The following TBX4 variants were observed in gnomAD, a reference collection of about 807,000 sequenced individuals.
The protein encoded by TBX4 is T-box transcription factor 4, also known as T-box transcription factor TBX4.
TBX4 carries 13 observed loss-of-function variants against 54.6 expected under a neutral mutation model. That is an observed-to-expected ratio of 0.24 (90% CI 0.15 to 0.38). The LOEUF (loss-of-function observed/expected upper bound fraction) is 0.38, where lower values mean the gene tolerates loss of function less well. Ranked by LOEUF, TBX4 falls within the 10% of genes least tolerant of loss-of-function variation. TBX4 has a pLI of 1.00. For synonymous variants in TBX4, 314 were observed against 306.7 expected, an observed-to-expected ratio of 1.02 and a Z score of -0.25; for missense variants, 631 against 728.5, an observed-to-expected ratio of 0.87 and a Z score of 1.54.
At position 61,457,677 on chromosome 17, in the gene TBX4, G is replaced by A. The variant is rs1423367102; in HGVS notation, c.281+46G>A. ...TTCCGGGGATGGCGGTGGGGAGCAA[G>A]GGGGGCCAGGGAGGTCCCTTAGAAG... On this transcript the variant is annotated intron_variant, in intron 3 of 8. Coordinates refer to ENST00000644296, the MANE Select transcript of TBX4 (RefSeq NM_001321120.2). This position sits in a 1 kb window ranked among gnomAD's most constrained non-coding sequence, Gnocchi z 8.2. 11 of 1,582,088 alleles carry A rather than the reference G, an allele frequency of 7.0e-6. No homozygotes were observed. Among genetic ancestry groups the A allele is most frequent in the Non-Finnish European group, 8.7e-6 (10 of 1,153,134 alleles).
chr17:61,477,942 A>C (rs1311029424), intron 5 of TBX4, among the ~76,000 whole-genome samples: 3 of 46,460 alleles, frequency 6.5e-5, no homozygotes, highest in African/African-American at 3.8e-4. Flanking sequence ...ATTCCATCTC[A>C]AAAAAAAAAA....
chr17:61,470,438 T>G (rs2060568709), intron 5 of TBX4, among the ~76,000 whole-genome samples: 1 of 152,200 alleles, frequency 6.6e-6, no homozygotes, highest in East Asian at 1.9e-4. Flanking sequence ...CTGTCCTGTA[T>G]GGCACATGGG....
Position 61,464,391 on chromosome 17 carries a change from T to C in TBX4, c.282-1428T>C, listed in dbSNP as rs1194738815. ...AGCTTATAGAGGCCTTGATCCTTTC[T>C]GGAAGCCCTGTTCTGTCCAGGTAAG... On this transcript the variant is annotated intron_variant, in intron 3 of 8. Coordinates refer to ENST00000644296, the MANE Select transcript of TBX4 (RefSeq NM_001321120.2). This position sits in a 1 kb window ranked among gnomAD's most constrained non-coding sequence, Gnocchi z 5.8. 2 of 152,296 alleles carry C rather than the reference T, an allele frequency of 1.3e-5. No homozygotes were observed. Among genetic ancestry groups the C allele is most frequent in the African/African-American group, 4.8e-5 (2 of 41,466 alleles). The allele number at this position is 152,296 out of a possible 1,614,324, so 9.4% of individuals were successfully genotyped here. A position where few individuals can be genotyped will look rare whatever the true frequency, so the allele number is the denominator to read the frequency against.
In TBX4 at chr17:61,472,920, C is replaced by T. The variant is rs1169284750; in HGVS notation, c.549+5263C>T. Among the ~76,000 whole-genome samples, 10 of 152,052 alleles carry T rather than the reference C, an allele frequency of 6.6e-5. No homozygotes were observed. Among genetic ancestry groups the T allele is most frequent in the Non-Finnish European group, 7.4e-5 (5 of 68,026 alleles). ...CTATATGAATGTGTGCCTGTTCACA[C>T]GCCAGTCTTTTAACTGTTGAGACTG... On this transcript the variant is annotated intron_variant, in intron 5 of 8. Coordinates refer to ENST00000644296, the MANE Select transcript of TBX4 (RefSeq NM_001321120.2). This position sits in a 1 kb window ranked among gnomAD's most constrained non-coding sequence, Gnocchi z 4.5.
At position 61,463,755 on chromosome 17, in the gene TBX4, C is replaced by T. The variant is rs79008447; in HGVS notation, c.282-2064C>T. On this transcript the variant is annotated intron_variant, in intron 3 of 8. Coordinates refer to ENST00000644296, the MANE Select transcript of TBX4 (RefSeq NM_001321120.2). ...AGGAAACAAGCTGAGTGCAGGCCCC[C>T]GGTGCCAGGCCAGCCCAAGTATGGC... 7.8e-3 allele frequency among the ~76,000 whole-genome samples: 1,195 copies of T among 152,360 alleles called. 16 individuals are homozygous for T. The highest frequency in any genetic ancestry group is 0.027 in the African/African-American group (1,126 of 41,580).
chr17:61,457,998 C>T lies in TBX4; in HGVS notation c.281+367C>T, dbSNP rs552145341. 6.6e-6 allele frequency among the ~76,000 whole-genome samples: 1 copy of T among 152,292 alleles called. No individual in the cohort carries two copies. Among genetic ancestry groups the T allele is most frequent in the South Asian group, 2.1e-4 (1 of 4,822 alleles). ...TCTCAGGAATGCATTGATTGGAGAC[C>T]CAGAGATGCCTCTCAGCAGATGGGG... is the stretch of plus-strand genomic sequence containing the variant. On this transcript the variant is annotated intron_variant, in intron 3 of 8. Coordinates refer to ENST00000644296, the MANE Select transcript of TBX4 (RefSeq NM_001321120.2). The surrounding 1 kb of genome is among the most constrained non-coding windows in gnomAD (Gnocchi z 8.2).
rs527797813 is a variant in TBX4, at chr17:61,479,229, T to C, written c.702+450T>C. Among the ~76,000 whole-genome samples, 1 of 152,018 alleles carries C rather than the reference T, an allele frequency of 6.6e-6. No individual in the cohort carries two copies. Among genetic ancestry groups the C allele is most frequent in the African/African-American group, 2.4e-5 (1 of 41,382 alleles). On this transcript the variant is annotated intron_variant, in intron 6 of 8. Transcript: ENST00000644296. The surrounding 1 kb of genome is among the most constrained non-coding windows in gnomAD (Gnocchi z 6.1). ...AGCGGAGGCCCTTCCCAGGCTGTGA[T>C]AGGAGGTGCCCCAGCCACCTCCCAC...
chr17:61,456,550 G>T lies in TBX4; in HGVS notation c.60G>T (p.Ala20=), dbSNP rs1472249228. Residue 20 remains alanine (A), a synonymous_variant, in exon 2 of 9, where the codon GCG becomes GCT. Coordinates refer to ENST00000644296, the MANE Select transcript of TBX4 (RefSeq NM_001321120.2). ...AGGCCTTCCGGGCCCCGGGCCCAGCGCTCGGAGAGGCCAGCGCAGCCAACG... is the reference window on the plus strand; with the variant it reads ...AGGCCTTCCGGGCCCCGGGCCCAGCTCTCGGAGAGGCCAGCGCAGCCAACG... The part of the protein sequence containing the change: ...SEEAFRAPGP[A]LGEASAANAP... 21 of 1,552,502 alleles carry T rather than the reference G, an allele frequency of 1.4e-5. No individual in the cohort carries two copies. Among genetic ancestry groups the T allele is most frequent in the East Asian group, 2.4e-5 (1 of 41,296 alleles).
Position 61,467,519 on chromosome 17 carries a change from A to G in TBX4, c.411A>G (p.Ala137=). Residue 137 remains alanine (A), a synonymous_variant, in exon 5 of 9, where the codon GCA becomes GCG. Transcript: ENST00000644296. ...YKFCDNKWMV[A]GKAEPAMPGR... ...TCTGCTCTGTTGGCAGGATGGTGGC[A>G]GGGAAGGCTGAGCCAGCCATGCCAG... 1.2e-6 allele frequency: 2 copies of G among 1,614,176 alleles called. No homozygotes were observed. Among genetic ancestry groups the G allele is most frequent in the Middle Eastern group, 1.6e-4 (1 of 6,062 alleles).
chr17:61,473,573 G>A (rs1030760158), intron 5 of TBX4, among the ~76,000 whole-genome samples: 1 of 152,138 alleles, frequency 6.6e-6, no homozygotes, highest in Non-Finnish European at 1.5e-5. Flanking sequence ...GCTGATCCCT[G>A]ACAATGTGGC....
At chr17:61,466,086 C>T (rs1376500722) in intron 4 of TBX4, 148 bp downstream of exon 4, 26 of 1,348,724 alleles carry the variant, frequency 1.9e-5, no homozygotes, top group South Asian at 4.8e-5. Context: ...ACTGGCTGTG[C>T]GGAGGCTGAG....
At chr17:61,471,116 G>A (rs907287633) in intron 5 of TBX4, among the ~76,000 whole-genome samples, 3 of 152,230 alleles carry the variant, frequency 2.0e-5, no homozygotes, top group African/African-American at 7.2e-5. Flanking sequence ...TCACAAAGTA[G>A]CACGCATTAG....
intron 3 of TBX4, among the ~76,000 whole-genome samples, chr17:61,458,891 C>T (rs547670252): frequency 4.0e-5 from 6 of 151,850 alleles, no homozygotes; most frequent in Middle Eastern, 3.4e-3. Context: ...AACAAAAAGC[C>T]GGCTGGTTTG....
chr17:61,466,810 G>A (rs1381145523), intron 4 of TBX4, among the ~76,000 whole-genome samples: 1 of 152,220 alleles, frequency 6.6e-6, no homozygotes, highest in Non-Finnish European at 1.5e-5. Flanking sequence ...TTTGAGAGTT[G>A]TCTAGGTCCT....
intron 1 of TBX4, among the ~76,000 whole-genome samples, chr17:61,452,783 C>T (rs1329069504): frequency 6.6e-6 from 1 of 152,194 alleles, no homozygotes; most frequent in Non-Finnish European, 1.5e-5. Flanking sequence ...CGGCCCGACA[C>T]CCAGTAGTTG....
chr17:61,474,000 G>T (rs545855342), intron 5 of TBX4, among the ~76,000 whole-genome samples: 17 of 152,276 alleles, frequency 1.1e-4, no homozygotes, highest in African/African-American at 4.1e-4. Context: ...CCCTGACTTA[G>T]ATCTAGTTTG....
Position 61,461,696 on chromosome 17 carries a change from G to C in TBX4, c.281+4065G>C, listed in dbSNP as rs994799394. Among the ~76,000 whole-genome samples the C allele has an allele frequency of 6.6e-6, 1 of 152,154 alleles. No homozygotes were observed. The highest frequency in any genetic ancestry group is 1.5e-5 in the Non-Finnish European group (1 of 68,026). On this transcript the variant is annotated intron_variant, in intron 3 of 8. Transcript: ENST00000644296. This position sits in a 1 kb window ranked among gnomAD's most constrained non-coding sequence, Gnocchi z 5.1. Reference sequence around the variant, plus strand: ...AACACACTCGTGTAACCTTCATCCAGATAAAGAAATAGATCATCACCACCA... The same window carrying C: ...AACACACTCGTGTAACCTTCATCCACATAAAGAAATAGATCATCACCACCA...
At chr17:61,453,531 T>C (rs772403111) in intron 1 of TBX4, among the ~76,000 whole-genome samples, 24 of 152,202 alleles carry the variant, frequency 1.6e-4, no homozygotes, top group Non-Finnish European at 2.8e-4. Context: ...TATGACAATT[T>C]ATGACCAATG....
At chr17:61,463,252 A>G in intron 3 of TBX4, 1 of 152,462 alleles carries the variant, frequency 6.6e-6, no homozygotes, top group East Asian at 1.9e-4. Context: ...AGTTCAGGCC[A>G]CAGCAGAGGG....
Sources: allele counts gnomAD v4.1 joint callset (sites outside exome capture counted in the v4.1 genomes callset), GRCh38; gene constraint gnomAD v4.1.1; non-coding constraint Gnocchi (gnomAD v3.1); transcripts MANE v1.5; gene names NCBI Gene and HGNC (gene_info 2026-07-23, HGNC 2026-07-21).